The following DDAH1 variants were observed in gnomAD, a reference collection of about 807,000 sequenced individuals.
DDAH1 encodes N(G),N(G)-dimethylarginine dimethylaminohydrolase 1.
DDAH1 carries 19 observed loss-of-function variants against 28.8 expected under a neutral mutation model. That is an observed-to-expected ratio of 0.66 (90% CI 0.46 to 0.97). The LOEUF (loss-of-function observed/expected upper bound fraction) is 0.97, where lower values mean the gene tolerates loss of function less well. Ranked by LOEUF, DDAH1 falls within the 50% of genes least tolerant of loss-of-function variation. The pLI is 0.00. For synonymous variants in DDAH1, 153 were observed against 154.4 expected (o/e 0.99, Z 0.07); for missense variants, 326 against 375.9 (o/e 0.87, Z 1.10).
chr1:85,391,494 G>T (rs1352500851), intron 1 of DDAH1, among the ~76,000 whole-genome samples: 1 of 152,052 alleles, frequency 6.6e-6, no homozygotes, highest in Non-Finnish European at 1.5e-5. Flanking sequence ...ATAGAAAAAT[G>T]TAGGAAAAAT....
chr1:85,478,354 A>C (rs2100712591), intron 2 of DDAH1, among the ~76,000 whole-genome samples: 1 of 152,354 alleles, frequency 6.6e-6, no homozygotes, highest in South Asian at 2.1e-4. Context: ...CACGTTGCTA[A>C]TGAAGATATA....
chr1:85,448,558 A>C (rs967743273), intron 1 of DDAH1, among the ~76,000 whole-genome samples: 19 of 152,174 alleles, frequency 1.2e-4, no homozygotes, highest in Non-Finnish European at 2.8e-4. Flanking sequence ...GCGGTGTCTT[A>C]ATCTGAAGAA....
chr1:85,455,685 A>G (rs1180598815), intron 1 of DDAH1, among the ~76,000 whole-genome samples: 3 of 152,196 alleles, frequency 2.0e-5, no homozygotes, highest in African/African-American at 4.8e-5. Flanking sequence ...TCACCACACA[A>G]AAACATCAAC....
intron 1 of DDAH1, among the ~76,000 whole-genome samples, chr1:85,511,987 T>C (rs1008621749): frequency 6.6e-6 from 1 of 152,188 alleles, no homozygotes; most frequent in African/African-American, 2.4e-5. Context: ...GAATCCTCCC[T>C]AACTCATTTT....
chr1:85,546,084 T>C (rs141322700), intron 1 of DDAH1, among the ~76,000 whole-genome samples: 1 of 151,430 alleles, frequency 6.6e-6, no homozygotes, highest in East Asian at 1.9e-4. Context: ...AAGTAAATGC[T>C]GAGTACAAGT....
At chr1:85,350,679 G>C (rs1649147229) in intron 3 of DDAH1, 145 bp from the exon 4 acceptor site, 1 of 962,434 alleles carries the variant, frequency 1.0e-6, no homozygotes, top group Non-Finnish European at 1.5e-6. Context: ...CACAGATTTG[G>C]ATATTGCTAG....
chr1:85,486,368 C>A (rs1656204448), intron 2 of DDAH1, among the ~76,000 whole-genome samples: 1 of 152,128 alleles, frequency 6.6e-6, no homozygotes, highest in African/African-American at 2.4e-5. Flanking sequence ...TGAAAGCCTT[C>A]CAAAAAATCA....
chr1:85,409,406 C>T (rs757170663), intron 1 of DDAH1, among the ~76,000 whole-genome samples: 24 of 152,134 alleles, frequency 1.6e-4, no homozygotes, highest in Admixed American at 9.2e-4. Context: ...CATTATTTTC[C>T]CTTAAATGAC....
chr1:85,554,579 A>G (rs1313588278), intron 1 of DDAH1, among the ~76,000 whole-genome samples: 1 of 152,238 alleles, frequency 6.6e-6, no homozygotes, highest in Non-Finnish European at 1.5e-5. Context: ...CTCTACTTTT[A>G]GAATAAAGTC....
intron 2 of DDAH1, among the ~76,000 whole-genome samples, chr1:85,485,470 C>T (rs899874871): frequency 6.6e-6 from 1 of 152,084 alleles, no homozygotes; most frequent in African/African-American, 2.4e-5. Context: ...TAACTAAAAT[C>T]CTAGCATGGG....
At chr1:85,572,106 T>G (rs536107263) in intron 1 of DDAH1, among the ~76,000 whole-genome samples, 8 of 152,288 alleles carry the variant, frequency 5.3e-5, no homozygotes, top group Non-Finnish European at 1.0e-4. Flanking sequence ...AGTAGACGGA[T>G]CTCTCAATCT....
intron 1 of DDAH1, among the ~76,000 whole-genome samples, chr1:85,381,063 C>T (rs1650956916): frequency 1.3e-5 from 2 of 150,042 alleles, no homozygotes; most frequent in Non-Finnish European, 3.0e-5. Flanking sequence ...ATGGTGAAAC[C>T]TCATCTCTAC....
intron 1 of DDAH1, among the ~76,000 whole-genome samples, chr1:85,417,564 T>C (rs577565803): frequency 6.6e-6 from 1 of 152,188 alleles, no homozygotes; most frequent in Non-Finnish European, 1.5e-5. Context: ...CAGGATCCCT[T>C]TGAAGAAAAT....
At chr1:85,491,503 T>TA (rs1214724587) in intron 2 of DDAH1, among the ~76,000 whole-genome samples, 1 of 152,182 alleles carries the variant, frequency 6.6e-6, no homozygotes, top group Non-Finnish European at 1.5e-5. Context: ...CCCCATGGCA[T>TA]GGAGAAAGCT....
intron 1 of DDAH1, among the ~76,000 whole-genome samples, chr1:85,414,981 GA>G: frequency 7.3e-6 from 1 of 136,792 alleles, no homozygotes; most frequent in Admixed American, 7.5e-5. Flanking sequence ...TGACTTTAAC[GA>G]AAATCAAATA....
In DDAH1 at chr1:85,428,700, C is replaced by A. The variant is rs146762825; in HGVS notation, c.303+36043G>T. Among the ~76,000 whole-genome samples, 341 of 152,212 alleles carry A rather than the reference C, an allele frequency of 2.2e-3. 1 individual carries two copies. Among genetic ancestry groups the A allele is most frequent in the African/African-American group, 7.9e-3 (329 of 41,530 alleles). The stretch of plus-strand genomic sequence containing the variant: ...CAGCAAAGACTCAAGAGAAGTAACT[C>A]CAGACAACATAAATAGCCAGCAGCA... On this transcript the variant is annotated intron_variant, in intron 1 of 5. Transcript: ENST00000284031.
chr1:85,495,633 G>A (rs1418956770), intron 2 of DDAH1: 1 of 152,182 alleles, frequency 6.6e-6, no homozygotes, highest in African/African-American at 2.4e-5. Flanking sequence ...CATTCCGGGA[G>A]GAAAAATATT....
chr1:85,369,055 C>CTTTTT (rs36109764), intron 1 of DDAH1, among the ~76,000 whole-genome samples: 3 of 84,586 alleles, frequency 3.5e-5, no homozygotes, highest in Non-Finnish European at 4.5e-5. Context: ...CCAGGGGATT[C>CTTTTT]TTTTTTTTTT....
At chr1:85,484,152 G>T (rs1301956728) in intron 2 of DDAH1, among the ~76,000 whole-genome samples, 1 of 152,110 alleles carries the variant, frequency 6.6e-6, no homozygotes, top group Non-Finnish European at 1.5e-5. Context: ...TCTCTTGGAA[G>T]AATACTGGCG....
Sources: gnomAD v4.1 joint callset for allele counts (sites outside exome capture counted in the v4.1 genomes callset) on GRCh38, gnomAD v4.1.1 for gene constraint, MANE v1.5 for transcripts, NCBI Gene and HGNC (gene_info 2026-07-23, HGNC 2026-07-21) for gene names.